ANO10: variants seen among roughly 807,000 people sequenced by gnomAD.
ANO10 encodes the protein anoctamin 10, also known as anoctamin-10.
Under a neutral mutation model 74.7 loss-of-function variants are expected in ANO10, and 77 were observed. The ratio of observed to expected loss-of-function variants is 1.03; its 90% CI spans 0.86 to 1.25. ANO10 has a LOEUF of 1.25. Among genes scored for constraint, ANO10 ranks in the 50% most tolerant of loss-of-function variants. ANO10 has a pLI of 0.00. For missense variants in ANO10, 721 were observed against 778.1 expected (o/e 0.93, Z 0.87); for synonymous variants, 279 against 284.9 (o/e 0.98, Z 0.21).
intron 12 of ANO10, among the ~76,000 whole-genome samples, chr3:43,377,727 A>G (rs891974440): frequency 6.6e-6 from 1 of 152,180 alleles, no homozygotes; most frequent in Non-Finnish European, 1.5e-5. Flanking sequence ...ACCAAGCACA[A>G]GTGGCTGTTC....
intron 12 of ANO10, among the ~76,000 whole-genome samples, chr3:43,368,442 A>G (rs1205118255): frequency 2.6e-5 from 4 of 152,164 alleles, no homozygotes. Flanking sequence ...CCAGGGGGAT[A>G]GAGATGGTTT....
chr3:43,383,441 G>A (rs1253617783), intron 12 of ANO10, among the ~76,000 whole-genome samples: 20 of 136,452 alleles, frequency 1.5e-4, no homozygotes, highest in South Asian at 1.4e-3. Flanking sequence ...GCAACAGAGC[G>A]AGACTCTGTC....
chr3:43,513,957 CAT>C (rs909115475), intron 11 of ANO10, among the ~76,000 whole-genome samples: 14 of 150,310 alleles, frequency 9.3e-5, no homozygotes, highest in Non-Finnish European at 1.5e-4. Context: ...TTATTTATAA[CAT>C]AGATGTTTGC....
chr3:43,530,892 ATG>A (rs1179321627), intron 11 of ANO10, among the ~76,000 whole-genome samples: 1 of 151,638 alleles, frequency 6.6e-6, no homozygotes, highest in African/African-American at 2.4e-5. Flanking sequence ...GTGTGTGTGT[ATG>A]TGTGTGTGTA....
At chr3:43,594,261 C>T (rs185946678) in intron 4 of ANO10, among the ~76,000 whole-genome samples, 24 of 152,316 alleles carry the variant, frequency 1.6e-4, no homozygotes, top group Non-Finnish European at 2.6e-4. Flanking sequence ...CCAAGCGGAC[C>T]TAATAGACAT....
intron 12 of ANO10, among the ~76,000 whole-genome samples, chr3:43,369,513 T>C (rs1000811666): frequency 2.6e-5 from 4 of 152,242 alleles, no homozygotes; most frequent in Admixed American, 1.3e-4. Context: ...CAAGCCTCAC[T>C]GGAGTGTTCT....
intron 1 of ANO10, among the ~76,000 whole-genome samples, chr3:43,677,268 C>T (rs2149579998): frequency 6.6e-6 from 1 of 152,278 alleles, no homozygotes; most frequent in South Asian, 2.1e-4. Context: ...CATGTTCCCA[C>T]TCATAAGTGG....
chr3:43,438,268 CAAAAAT>C (rs1165538701), intron 11 of ANO10, among the ~76,000 whole-genome samples: 1 of 151,900 alleles, frequency 6.6e-6, no homozygotes, highest in African/African-American at 2.4e-5. Flanking sequence ...CTTATCTCTA[CAAAAAT>C]AAAAATAAAA....
At chr3:43,429,044 CACTGTCAGG>C (rs1263213468) in intron 12 of ANO10, among the ~76,000 whole-genome samples, 6 of 152,058 alleles carry the variant, frequency 3.9e-5, no homozygotes, top group Non-Finnish European at 8.8e-5. Flanking sequence ...AGCTTTGCCT[CACTGTCAGG>C]TAAAGTGTAC....
rs182153917 is a variant in ANO10, at chr3:43,565,823, G to A, written c.1219-96C>T. On this transcript the variant is annotated intron_variant, in intron 7 of 12. Transcript: ENST00000292246. ...CAGCATTTAAAAATGTAATGGGAGC[G>A]GGGAGGAGCCAAGAGGGCCGAATAG... The A allele has an allele frequency of 0.012, 16,177 of 1,365,530 alleles. 234 individuals are homozygous for A. The highest frequency in any genetic ancestry group is 0.012 in the Non-Finnish European group (11,678 of 989,292). The allele number at this position is 1,365,530 out of a possible 1,614,324, so 84.6% of individuals were successfully genotyped here.
At chr3:43,402,217 T>C (rs1356140001) in intron 12 of ANO10, among the ~76,000 whole-genome samples, 1 of 152,194 alleles carries the variant, frequency 6.6e-6, no homozygotes, top group Non-Finnish European at 1.5e-5. Context: ...AAAAAATTTA[T>C]GAAGACTTGA....
chr3:43,622,421 G>C (rs940466473), upstream of ANO10, among the ~76,000 whole-genome samples: 1 of 152,170 alleles, frequency 6.6e-6, no homozygotes, highest in Non-Finnish European at 1.5e-5. Context: ...GTCGGGGCAG[G>C]GGAAAGGAAT....
At chr3:43,668,493 C>T (rs1277889275) in intron 1 of ANO10, among the ~76,000 whole-genome samples, 1 of 152,062 alleles carries the variant, frequency 6.6e-6, no homozygotes, top group Non-Finnish European at 1.5e-5. Context: ...GCCATGAATT[C>T]TTTGCCTAAG....
intron 11 of ANO10, among the ~76,000 whole-genome samples, chr3:43,437,686 C>T (rs760078128): frequency 5.3e-5 from 8 of 152,042 alleles, no homozygotes; most frequent in Non-Finnish European, 1.0e-4. Flanking sequence ...CCTTTTTAAT[C>T]GGGAAATTAG....
intron 11 of ANO10, among the ~76,000 whole-genome samples, chr3:43,475,836 G>C (rs1325514771): frequency 6.6e-6 from 1 of 151,904 alleles, no homozygotes; most frequent in East Asian, 1.9e-4. Context: ...TCCTGACCTC[G>C]AGTGATCTGC....
chr3:43,521,215 C>A (rs913240644), intron 11 of ANO10, among the ~76,000 whole-genome samples: 2 of 152,286 alleles, frequency 1.3e-5, no homozygotes, highest in East Asian at 1.9e-4. Flanking sequence ...GGGAGGTACC[C>A]TTTTTCTTGT....
chr3:43,423,085 T>C (rs2092843983), intron 12 of ANO10, among the ~76,000 whole-genome samples: 1 of 151,586 alleles, frequency 6.6e-6, no homozygotes, highest in Admixed American at 6.6e-5. Flanking sequence ...GCTACTCTTG[T>C]TACTGATGTC....
intron 11 of ANO10, among the ~76,000 whole-genome samples, chr3:43,444,931 G>C (rs1318516152): frequency 1.3e-5 from 2 of 152,042 alleles, no homozygotes; most frequent in Non-Finnish European, 2.9e-5. Context: ...AGACCATCCT[G>C]GCTAACACGG....
At chr3:43,481,453 C>T (rs2076265525) in intron 11 of ANO10, among the ~76,000 whole-genome samples, 8 of 152,138 alleles carry the variant, frequency 5.3e-5, no homozygotes, top group Admixed American at 5.2e-4. Flanking sequence ...GTCCTTCACT[C>T]AGCCAAGGGC....
Sources: allele counts gnomAD v4.1 joint callset (sites outside exome capture counted in the v4.1 genomes callset), GRCh38; gene constraint gnomAD v4.1.1; transcripts MANE v1.5; gene names NCBI Gene and HGNC (gene_info 2026-07-23, HGNC 2026-07-21).